HEATR4: variants seen among roughly 807,000 people sequenced by gnomAD.
The protein encoded by HEATR4 is HEAT repeat-containing protein 4.
HEATR4 carries 95 observed loss-of-function variants against 108.8 expected under a neutral mutation model. That is an observed-to-expected ratio of 0.87 (90% CI 0.74 to 1.04). The LOEUF (loss-of-function observed/expected upper bound fraction) is 1.04. Among genes scored for constraint, HEATR4 ranks in the 50% least tolerant of loss-of-function variants. The pLI, the probability that HEATR4 is intolerant of heterozygous loss-of-function variation, is 0.00. For synonymous variants in HEATR4, 443 were observed against 459.4 expected, an observed-to-expected ratio of 0.96 and a Z score of 0.46; for missense variants, 1,152 against 1,253.8, an observed-to-expected ratio of 0.92 and a Z score of 1.23.
chr14:73,591,916 G>A, the HEATR4 span: 1 of 1,344,252 alleles, frequency 7.4e-7, no homozygotes, highest in Non-Finnish European at 9.6e-7. Flanking sequence ...GATCTTGGAC[G>A]GGTCTCGGGC....
intron 16 of HEATR4, among the ~76,000 whole-genome samples, chr14:73,494,845 G>A (rs927977531): frequency 4.6e-5 from 7 of 152,214 alleles, no homozygotes; most frequent in South Asian, 2.1e-4. Flanking sequence ...CCAGGTGTGC[G>A]CCACCACGCC....
rs1225972587 is a variant in HEATR4 at position 73,549,280 on chromosome 14, G to T, written c.-152+9471C>A. Among the ~76,000 whole-genome samples the T allele has an allele frequency of 1.8e-5, 2 of 114,210 alleles. 1 individual carries two copies. The highest frequency in any genetic ancestry group is 3.8e-5 in the Non-Finnish European group (2 of 52,424). The allele number at this position is 114,210 out of a possible 152,430, so 74.9% of individuals were successfully genotyped here. A position where few individuals can be genotyped will look rare whatever the true frequency, so the allele number is the denominator to read the frequency against. On this transcript the variant is annotated intron_variant, in intron 1 of 17. Coordinates refer to ENST00000553558, the MANE Select transcript of HEATR4 (RefSeq NM_001220484.1). ...GTGATGTGTGTGTGTGTCTGTGTGT[G>T]TGTGTATCTCAGGGGCGTCAGGCCT...
At chr14:73,494,958 T>C (rs1440354602) in intron 16 of HEATR4, among the ~76,000 whole-genome samples, 1 of 152,222 alleles carries the variant, frequency 6.6e-6, no homozygotes, top group East Asian at 1.9e-4. Flanking sequence ...CTTGTGTTTT[T>C]CTGATATGTC....
chr14:73,555,002 C>T lies in HEATR4; in HGVS notation c.-152+3749G>A, dbSNP rs1488425132. Among the ~76,000 whole-genome samples the T allele has an allele frequency of 2.7e-5, 3 of 110,576 alleles. 1 individual carries two copies. Among genetic ancestry groups the T allele is most frequent in the African/African-American group, 5.8e-5 (2 of 34,372 alleles). 72.5% of individuals were successfully genotyped at this position (110,576 alleles called of 152,430 possible). A position where few individuals can be genotyped will look rare whatever the true frequency, so the allele number is the denominator to read the frequency against. On this transcript the variant is annotated intron_variant, in intron 1 of 17. Transcript: ENST00000553558. ...TGTTTCAACTTTGGATTATGAAACC[C>T]CATTTATGATTTTTTAAATAAACTT...
rs10605851 is a variant in HEATR4, at chr14:73,529,354, C to CAAAAA, written c.-73+807_-73+811dup. Among the ~76,000 whole-genome samples the CAAAAA allele has an allele frequency of 1.7e-4, 15 of 87,408 alleles. No homozygotes were observed. The East Asian group carries it at 1.9e-3, about 11-fold the overall frequency. The allele number at this position is 87,408 out of a possible 152,430, so 57.3% of individuals were successfully genotyped here. ...TGGGCAACAGAGTGAGACTCTGTCTCAAAAAAAAAAAAAAAAAAAAAAATT... is the reference window on the plus strand; with the variant it reads ...TGGGCAACAGAGTGAGACTCTGTCTCAAAAAAAAAAAAAAAAAAAAAAAAAAAATT... On this transcript the variant is annotated intron_variant, in intron 2 of 17. Coordinates refer to ENST00000553558, the MANE Select transcript of HEATR4 (RefSeq NM_001220484.1).
At chr14:73,559,781 C>A (rs376696466), upstream of HEATR4, among the ~76,000 whole-genome samples, 1 of 152,022 alleles carries the variant, frequency 6.6e-6, no homozygotes, top group Non-Finnish European at 1.5e-5. Flanking sequence ...ATATATGCAG[C>A]TCCATATTCT....
chr14:73,480,393 T>C (rs192122293), intron 17 of HEATR4, among the ~76,000 whole-genome samples: 92 of 152,276 alleles, frequency 6.0e-4, no homozygotes, highest in Non-Finnish European at 1.1e-3. Context: ...TGAGCCAAGA[T>C]TGCGCCACTG....
intron 11 of HEATR4, 96 bp from the exon 12 acceptor site, chr14:73,500,826 G>A (rs1024817009): frequency 1.7e-6 from 2 of 1,155,978 alleles, no homozygotes; most frequent in African/African-American, 3.1e-5. Context: ...TCCGGGTTCT[G>A]TAGGCTGTCA....
At position 73,506,803 on chromosome 14, in the gene HEATR4, T is replaced by C. The variant is rs1886860849; in HGVS notation, c.1882-232A>G. Among the ~76,000 whole-genome samples the C allele has an allele frequency of 3.6e-5, 4 of 110,392 alleles. No individual in the cohort carries two copies. In the South Asian group the frequency reaches 1.3e-3, roughly 37 times the overall value. The allele number at this position is 110,392 out of a possible 152,430, so 72.4% of individuals were successfully genotyped here. A position where few individuals can be genotyped will look rare whatever the true frequency, so the allele number is the denominator to read the frequency against. Reference sequence around the variant, plus strand: ...GGGACCTTCCTTTCCTGACTTTAACTGTTTTTTTTTTTTTTTTTTTTTCTG... The same window carrying C: ...GGGACCTTCCTTTCCTGACTTTAACCGTTTTTTTTTTTTTTTTTTTTTCTG... On this transcript the variant is annotated intron_variant, in intron 9 of 17. Coordinates refer to ENST00000553558, the MANE Select transcript of HEATR4 (RefSeq NM_001220484.1).
rs1057087220 is a variant in HEATR4, at chr14:73,495,245, A to G, written c.2768T>C (p.Leu923Pro). The change falls in exon 16 of 18, where the codon CTC (leucine) becomes CCC (proline). Residue 923 changes from leucine to proline, a missense_variant. Leu to Pro is a moderately conservative substitution (Grantham distance 98). Coordinates refer to ENST00000553558, the MANE Select transcript of HEATR4 (RefSeq NM_001220484.1). ...AAACCTACCCTGAAAAGTTTCTTGG[A>G]GTAAAGTCTGGAGTGTTAGTGGTCC... ...EQGPLTLQTL[L>P]QETFQDEMVL... 1.9e-6 allele frequency: 3 copies of G among 1,613,632 alleles called. No homozygotes were observed. Among genetic ancestry groups the G allele is most frequent in the African/African-American group, 2.7e-5 (2 of 75,010 alleles).
chr14:73,570,006 C>A, the HEATR4 span: 2 of 1,394,830 alleles, frequency 1.4e-6, no homozygotes, highest in East Asian at 5.2e-5. Context: ...ATTGCCCAGG[C>A]AGGTTTCGAA....
the HEATR4 span, among the ~76,000 whole-genome samples, chr14:73,625,035 T>TTACAA: frequency 4.9e-4 from 75 of 152,122 alleles, no homozygotes; most frequent in Non-Finnish European, 6.9e-4. Flanking sequence ...TCTTACAATA[T>TTACAA]TACGGTCTTT....
the HEATR4 span, among the ~76,000 whole-genome samples, chr14:73,572,201 A>G: frequency 1.1e-5 from 1 of 92,382 alleles, no homozygotes; most frequent in Non-Finnish European, 2.1e-5. Context: ...GATTAATTTA[A>G]AAAAAGAGCA....
intron 1 of HEATR4, among the ~76,000 whole-genome samples, chr14:73,557,725 C>CT (rs530827169): frequency 1.9e-3 from 118 of 63,548 alleles, no homozygotes; most frequent in Middle Eastern, 6.8e-3. Flanking sequence ...GGGCCTCACT[C>CT]TGTCACCCAA....
At chr14:73,507,082 C>T (rs1886905829) in intron 9 of HEATR4, among the ~76,000 whole-genome samples, 1 of 152,026 alleles carries the variant, frequency 6.6e-6, no homozygotes. Flanking sequence ...GGATTACAGG[C>T]GTGAGCCACC....
the HEATR4 span, among the ~76,000 whole-genome samples, chr14:73,564,728 G>GT: frequency 1.3e-3 from 49 of 37,202 alleles, no homozygotes; most frequent in South Asian, 3.3e-3. Flanking sequence ...TCTGTTTTTT[G>GT]TTTTTTTTTT....
At chr14:73,486,388 C>T (rs535940439) in intron 17 of HEATR4, among the ~76,000 whole-genome samples, 1 of 152,262 alleles carries the variant, frequency 6.6e-6, no homozygotes, top group Non-Finnish European at 1.5e-5. Context: ...TCATGCTATC[C>T]TTCCTTCTTA....
At position 73,555,772 on chromosome 14, in the gene HEATR4, C is replaced by T. The variant is rs754393698; in HGVS notation, c.-152+2979G>A. On this transcript the variant is annotated intron_variant, in intron 1 of 17. Transcript: ENST00000553558. ...ATCCCAGCACTTTGGGAGGCTGAGG[C>T]GGGTGGATCACCCAAGGTCAGGAGT... is the stretch of plus-strand genomic sequence containing the variant. 2.1e-4 allele frequency among the ~76,000 whole-genome samples: 24 copies of T among 114,482 alleles called. 6 individuals carry two copies. The highest frequency in any genetic ancestry group is 4.0e-4 in the Non-Finnish European group (21 of 52,040). 75.1% of individuals were successfully genotyped at this position (114,482 alleles called of 152,430 possible).
chr14:73,523,641 C>T (rs1888111976), intron 2 of HEATR4, among the ~76,000 whole-genome samples: 1 of 152,154 alleles, frequency 6.6e-6, no homozygotes, highest in Non-Finnish European at 1.5e-5. Flanking sequence ...TGAGCCAGTC[C>T]AGTCTCCTGG....
Sources: gnomAD v4.1 joint callset for allele counts (sites outside exome capture counted in the v4.1 genomes callset) on GRCh38, gnomAD v4.1.1 for gene constraint, MANE v1.5 for transcripts, NCBI Gene and HGNC (gene_info 2026-07-23, HGNC 2026-07-21) for gene names.